Variants in RAB3GAP1 observed in about 807,000 individuals in gnomAD.
RAB3GAP1 encodes rab3 GTPase-activating protein catalytic subunit.
Under a neutral mutation model 130.7 loss-of-function variants are expected in RAB3GAP1, and 86 were observed. That is an observed-to-expected ratio of 0.66 (90% CI 0.55 to 0.79). The LOEUF (loss-of-function observed/expected upper bound fraction) is 0.79. Among genes scored for constraint, RAB3GAP1 ranks in the 30% least tolerant of loss-of-function variants. RAB3GAP1 has a pLI of 0.00. For missense variants in RAB3GAP1, 1,029 were observed against 1,169.4 expected, an observed-to-expected ratio of 0.88 and a Z score of 1.75; for synonymous variants, 367 against 401.7, an observed-to-expected ratio of 0.91 and a Z score of 1.03.
intron 5 of RAB3GAP1, among the ~76,000 whole-genome samples, chr2:135,110,537 A>G (rs1690773803): frequency 6.6e-6 from 1 of 152,224 alleles, no homozygotes; most frequent in African/African-American, 2.4e-5. Context: ...AGAAAGGCTT[A>G]GGGGATAGAA....
At chr2:135,082,730 C>G (rs760914558) in intron 3 of RAB3GAP1, among the ~76,000 whole-genome samples, 2 of 152,066 alleles carry the variant, frequency 1.3e-5, no homozygotes, top group Non-Finnish European at 2.9e-5. Context: ...CGCGAGCCAC[C>G]GTGACCGGCC....
Position 135,130,621 on chromosome 2 carries a change from C to T in RAB3GAP1, c.1136C>T (p.Ser379Leu). 1 of 1,613,686 alleles carries T rather than the reference C, an allele frequency of 6.2e-7. No homozygotes were observed. ...EPASVPIHKL[S>L]VSNMVHTAKK... Reference sequence around the variant, plus strand: ...GCATCAGTTCCAATTCATAAATTATCAGTTTCAAATATGGTACACACTGCA... The same window carrying T: ...GCATCAGTTCCAATTCATAAATTATTAGTTTCAAATATGGTACACACTGCA... Residue 379 changes from serine (S) to leucine (L), a missense_variant, in exon 13 of 24, where the codon TCA (serine) becomes TTA (leucine). Coordinates refer to ENST00000264158, the MANE Select transcript of RAB3GAP1 (RefSeq NM_012233.3).
At chr2:135,060,256 A>ATTTTTTTTTTTT (rs60562266) in intron 3 of RAB3GAP1, among the ~76,000 whole-genome samples, 2 of 109,890 alleles carry the variant, frequency 1.8e-5, no homozygotes, top group African/African-American at 3.8e-5. Flanking sequence ...TAACTGCTTG[A>ATTTTTTTTTTTT]TTTTTTTTTT....
intron 19 of RAB3GAP1, among the ~76,000 whole-genome samples, chr2:135,160,128 T>C (rs1412109128): frequency 2.0e-5 from 3 of 152,234 alleles, no homozygotes; most frequent in Non-Finnish European, 4.4e-5. Context: ...TTATCCATTT[T>C]AAAGTGGTGA....
chr2:135,066,635 GAGTA>G, intron 3 of RAB3GAP1, among the ~76,000 whole-genome samples: 1 of 152,278 alleles, frequency 6.6e-6, no homozygotes, highest in East Asian at 1.9e-4. Context: ...TACTTCCAGT[GAGTA>G]TTAACATAGG....
rs943622125 is a variant in RAB3GAP1 at position 135,133,971 on chromosome 2, C to T, written c.1437C>T (p.His479=). ...FYHGGLKGVA[H]LWQEFVLEMR... ...ATGGAGGGTTGAAAGGAGTGGCACA[C>T]CTCTGGCAGGAATTTGTTCTTGAAA... The change falls in exon 15 of 24, where the codon CAC becomes CAT. Residue 479 remains histidine (H), a synonymous_variant. Coordinates refer to ENST00000264158, the MANE Select transcript of RAB3GAP1 (RefSeq NM_012233.3). 1 of 1,613,942 alleles carries T rather than the reference C, an allele frequency of 6.2e-7. No homozygotes were observed. The highest frequency in any genetic ancestry group is 1.7e-5 in the Admixed American group (1 of 60,026).
rs2104936941 is a variant in RAB3GAP1, at chr2:135,126,676, T to C, written c.973+20T>C. On this transcript the variant is annotated intron_variant, in intron 11 of 23. Transcript: ENST00000264158. ...TGCTAGGTAAGGTATATTATGCTCCTTTCCTGAAATACTGCTGATCTGCCT... is the reference window on the plus strand; with the variant it reads ...TGCTAGGTAAGGTATATTATGCTCCCTTCCTGAAATACTGCTGATCTGCCT... 6.3e-7 allele frequency: 1 copy of C among 1,575,722 alleles called. No individual in the cohort carries two copies. Among genetic ancestry groups the C allele is most frequent in the South Asian group, 1.1e-5 (1 of 90,258 alleles).
Position 135,164,579 on chromosome 2 carries a change from GTC to G in RAB3GAP1, c.2607-11_2607-10del. The stretch of plus-strand genomic sequence containing the variant: ...CTCACTTTCCACCCTTTCATTGCCT[GTC>G]TCTGTCTCCTAGGTTTGTGAGTTGC... On this transcript the variant is annotated splice_polypyrimidine_tract_variant and intron_variant, in intron 22 of 23. Coordinates refer to ENST00000264158, the MANE Select transcript of RAB3GAP1 (RefSeq NM_012233.3). 1 of 1,593,942 alleles carries G rather than the reference GTC, an allele frequency of 6.3e-7. No individual in the cohort carries two copies. The highest frequency in any genetic ancestry group is 8.6e-7 in the Non-Finnish European group (1 of 1,162,800).
intron 17 of RAB3GAP1, among the ~76,000 whole-genome samples, chr2:135,145,299 A>G (rs1312298001): frequency 6.6e-6 from 1 of 152,002 alleles, no homozygotes; most frequent in Non-Finnish European, 1.5e-5. Flanking sequence ...AACCATAGTT[A>G]CCCTACTTTA....
chr2:135,077,666 TCTC>T (rs1252081296), intron 3 of RAB3GAP1, among the ~76,000 whole-genome samples: 5 of 152,344 alleles, frequency 3.3e-5, no homozygotes, highest in Admixed American at 6.5e-5. Flanking sequence ...CAGTTTACAT[TCTC>T]ACCAGCAATG....
At chr2:135,100,183 A>G (rs1306532788) in intron 5 of RAB3GAP1, among the ~76,000 whole-genome samples, 1 of 152,232 alleles carries the variant, frequency 6.6e-6, no homozygotes, top group Non-Finnish European at 1.5e-5. Context: ...CTGCTAGGCT[A>G]AAATACATGG....
intron 3 of RAB3GAP1, 185 bp downstream of exon 3, chr2:135,058,271 T>C: frequency 1.7e-6 from 1 of 579,752 alleles, no homozygotes; most frequent in Non-Finnish European, 3.1e-6. Flanking sequence ...TGTAAGACAT[T>C]TGTGAAATGT....
intron 3 of RAB3GAP1, among the ~76,000 whole-genome samples, chr2:135,071,731 C>A (rs926706267): frequency 1.3e-5 from 2 of 151,994 alleles, no homozygotes; most frequent in Admixed American, 1.3e-4. Context: ...CTCCACATTC[C>A]CCCCACAGCA....
intron 3 of RAB3GAP1, among the ~76,000 whole-genome samples, chr2:135,084,788 A>T (rs1689929065): frequency 6.6e-6 from 1 of 152,218 alleles, no homozygotes; most frequent in South Asian, 2.1e-4. Flanking sequence ...GAATAGAACA[A>T]TAGTCTTTGC....
In RAB3GAP1 at chr2:135,135,638, T is replaced by C. The variant is rs553045026; in HGVS notation, c.1629T>C (p.Asn543=). Residue 543 remains asparagine (N), a synonymous_variant, in exon 17 of 24, where the codon AAT becomes AAC. Transcript: ENST00000264158. The part of the protein sequence containing the change: ...GKKTSASDVT[N]IYPGDAGKAG... The stretch of plus-strand genomic sequence containing the variant: ...AGACAAGTGCTTCAGATGTCACTAA[T>C]ATATATCCAGGGGATGCTGGAAAAG... The C allele has an allele frequency of 1.5e-5, 24 of 1,612,944 alleles. No homozygotes were observed. The highest frequency in any genetic ancestry group is 1.9e-5 in the Non-Finnish European group (23 of 1,179,610).
At chr2:135,103,035 A>AT (rs539310402) in intron 5 of RAB3GAP1, among the ~76,000 whole-genome samples, 1,672 of 90,798 alleles carry the variant, frequency 0.018, 103 homozygotes, top group African/African-American at 0.047. Flanking sequence ...CATTTTTGTG[A>AT]TTTTTTTTTT....
At chr2:135,149,044 A>T (rs144738916) in intron 17 of RAB3GAP1, among the ~76,000 whole-genome samples, 1 of 152,172 alleles carries the variant, frequency 6.6e-6, no homozygotes, top group Non-Finnish European at 1.5e-5. Context: ...TATGGCCCAC[A>T]TGCAACTTGC....
At chr2:135,117,532 C>T in intron 7 of RAB3GAP1, among the ~76,000 whole-genome samples, 1 of 63,328 alleles carries the variant, frequency 1.6e-5, no homozygotes, top group African/African-American at 6.2e-5. Context: ...GCTTCTTCTG[C>T]TTCTTCTTCT....
chr2:135,113,420 C>A, intron 6 of RAB3GAP1, 150 bp downstream of exon 6: 1 of 956,968 alleles, frequency 1.0e-6, no homozygotes, highest in East Asian at 2.6e-5. Context: ...GAGGTTACCT[C>A]TGTATCCGCT....
Sources: gnomAD v4.1 joint callset for allele counts (sites outside exome capture counted in the v4.1 genomes callset) on GRCh38, gnomAD v4.1.1 for gene constraint, MANE v1.5 for transcripts, NCBI Gene and HGNC (gene_info 2026-07-23, HGNC 2026-07-21) for gene names.